Variants in MMADHC observed in about 807,000 individuals in gnomAD.
MMADHC encodes the protein cobalamin trafficking protein CblD.
In MMADHC, 23 loss-of-function variants were observed where a neutral mutation model predicts 36.3. The ratio of observed to expected loss-of-function variants is 0.63; its 90% CI spans 0.46 to 0.90. The LOEUF is 0.90. Among genes scored for constraint, MMADHC ranks in the 40% least tolerant of loss-of-function variants. The pLI is 0.00. For synonymous variants in MMADHC, 97 were observed against 116.1 expected, an observed-to-expected ratio of 0.84 and a Z score of 1.06; for missense variants, 330 against 348.0, an observed-to-expected ratio of 0.95 and a Z score of 0.41.
intron 7 of MMADHC, among the ~76,000 whole-genome samples, chr2:149,570,596 A>AAGAT (rs1682624820): frequency 6.6e-6 from 1 of 152,202 alleles, no homozygotes; most frequent in Non-Finnish European, 1.5e-5. Context: ...TTGTTACAGA[A>AAGAT]AGATATATCC....
In MMADHC at chr2:149,579,445, C is replaced by T. The variant is rs756908515; in HGVS notation, c.358G>A (p.Val120Met). ...ERHEFVMAQY[V>M]NEFQGNDAPV... ...CAACAATTTACCTGAAATTCATTCA[C>T]ATATTGTGCCATCACAAACTCATGT... Residue 120 changes from valine to methionine, a missense_variant, in exon 4 of 8, where the codon GTG becomes ATG. Physicochemically the swap from Val to Met is conservative, Grantham distance 21. Coordinates refer to ENST00000303319, the MANE Select transcript of MMADHC (RefSeq NM_015702.3). 1.2e-6 allele frequency: 2 copies of T among 1,611,284 alleles called. No homozygotes were observed. The highest frequency in any genetic ancestry group is 1.7e-6 in the Non-Finnish European group (2 of 1,179,320).
chr2:149,574,243 G>C (rs1468067213), intron 6 of MMADHC, among the ~76,000 whole-genome samples: 2 of 152,196 alleles, frequency 1.3e-5, no homozygotes, highest in South Asian at 2.1e-4. Flanking sequence ...CAATGATAGT[G>C]ATGAGTATAT....
chr2:149,577,031 G>T (rs941311817), intron 4 of MMADHC, among the ~76,000 whole-genome samples: 2 of 152,124 alleles, frequency 1.3e-5, no homozygotes, highest in African/African-American at 2.4e-5. Flanking sequence ...CAGGCACTAT[G>T]ACAGGAGCAG....
In MMADHC at chr2:149,582,236, G is replaced by A; in HGVS notation, c.45C>T (p.Leu15=). The change falls in exon 3 of 8, where the codon CTC becomes CTT. Residue 15 remains leucine (L), a synonymous_variant. Transcript: ENST00000303319. The part of the protein sequence containing the change: ...LCNRARLVSY[L]PGFCSLVKRV... ...TTTTAACTAAAGAGCAAAATCCTGG[G>A]AGATAGGAAACCAGTCTGGCTCTGT... The A allele has an allele frequency of 6.2e-7, 1 of 1,613,800 alleles. No individual in the cohort carries two copies. The highest frequency in any genetic ancestry group is 8.5e-7 in the Non-Finnish European group (1 of 1,179,850).
intron 5 of MMADHC, 73 bp from the exon 6 acceptor site, chr2:149,575,914 A>G: frequency 2.5e-6 from 3 of 1,179,262 alleles, no homozygotes; most frequent in African/African-American, 1.5e-5. Context: ...AAGAAGGATA[A>G]AAGTACTTCT....
intron 2 of MMADHC, among the ~76,000 whole-genome samples, chr2:149,583,777 C>T (rs1000175487): frequency 1.3e-5 from 2 of 151,992 alleles, no homozygotes; most frequent in Non-Finnish European, 2.9e-5. Flanking sequence ...GGTCTTTTTG[C>T]CTTTCTGACA....
At chr2:149,587,451 G>A in intron 1 of MMADHC, 1 of 380,116 alleles carries the variant, frequency 2.6e-6, no homozygotes, top group South Asian at 3.2e-5. Flanking sequence ...CGAAGCGGCT[G>A]CTTTAACAGA....
At chr2:149,587,438 G>C in intron 1 of MMADHC, 1 of 409,314 alleles carries the variant, frequency 2.4e-6, no homozygotes, top group Non-Finnish European at 4.5e-6. Context: ...CAGTCCAGAG[G>C]ATCGAAGCGG....
At chr2:149,575,407 G>T (rs144773111) in intron 6 of MMADHC, among the ~76,000 whole-genome samples, 4 of 151,910 alleles carry the variant, frequency 2.6e-5, no homozygotes, top group African/African-American at 9.7e-5. Context: ...TGGAGAAGGA[G>T]AGGGAGGGGG....
chr2:149,587,531 G>C (rs1437238702), intron 1 of MMADHC, 133 bp downstream of exon 1: 1 of 235,150 alleles, frequency 4.3e-6, no homozygotes, highest in East Asian at 1.0e-4. Context: ...AAGCAGAAAA[G>C]AGACTAAAGA....
At chr2:149,577,668 A>C (rs561178803) in intron 4 of MMADHC, among the ~76,000 whole-genome samples, 68 of 152,136 alleles carry the variant, frequency 4.5e-4, no homozygotes, top group African/African-American at 1.6e-3. Flanking sequence ...AAAAAAAAAG[A>C]AAGAAAAAAA....
intron 2 of MMADHC, 90 bp downstream of exon 2, chr2:149,586,998 AC>A (rs1573882602): frequency 7.8e-7 from 1 of 1,275,198 alleles, no homozygotes; most frequent in East Asian, 2.3e-5. Flanking sequence ...ACACTATACC[AC>A]CCAATGCCAT....
At chr2:149,576,693 C>T in intron 4 of MMADHC, 151 bp from the exon 5 acceptor site, 2 of 641,738 alleles carry the variant, frequency 3.1e-6, no homozygotes, top group South Asian at 3.6e-5. Context: ...AACATTTTCT[C>T]ATTTACTCAA....
At chr2:149,581,426 T>C (rs1682791787) in intron 3 of MMADHC, among the ~76,000 whole-genome samples, 1 of 152,150 alleles carries the variant, frequency 6.6e-6, no homozygotes, top group Non-Finnish European at 1.5e-5. Context: ...ATGTGTGCCA[T>C]GAAAAAAGGA....
Position 149,571,084 on chromosome 2 carries a change from C to A in MMADHC, c.696+1G>T. ...CTGATTTTCAAATGATAATTACTCA[C>A]TGCCAAACCAGATGATGGGTCAATA... On this transcript the variant is annotated splice_donor_variant, in intron 7 of 7. Coordinates refer to ENST00000303319, the MANE Select transcript of MMADHC (RefSeq NM_015702.3). LOFTEE classifies it high-confidence loss of function. 6.2e-7 allele frequency: 1 copy of A among 1,603,816 alleles called. No homozygotes were observed. The highest frequency in any genetic ancestry group is 1.1e-5 in the South Asian group (1 of 90,818).
At chr2:149,587,538 AAGAC>A (rs1336837100) in intron 1 of MMADHC, 122 bp downstream of exon 1, 9 of 226,766 alleles carry the variant, frequency 4.0e-5, no homozygotes, top group Non-Finnish European at 8.0e-5. Context: ...AAAGAGACTA[AAGAC>A]AGACGGACAG....
At chr2:149,582,636 C>T (rs1682811757) in intron 2 of MMADHC, among the ~76,000 whole-genome samples, 1 of 152,124 alleles carries the variant, frequency 6.6e-6, no homozygotes. Flanking sequence ...ACTCTCAAGA[C>T]ATCTCTTTGG....
chr2:149,570,217 G>C, intron 7 of MMADHC, 49 bp from the exon 8 acceptor site: 2 of 1,476,480 alleles, frequency 1.4e-6, no homozygotes, highest in Non-Finnish European at 1.9e-6. Context: ...AGACATTTTA[G>C]TAATAATTTT....
intron 3 of MMADHC, 24 bp from the exon 4 acceptor site, chr2:149,579,672 C>G (rs1276934529): frequency 1.9e-6 from 3 of 1,584,514 alleles, no homozygotes; most frequent in Non-Finnish European, 2.6e-6. Context: ...ACAAAAGGAA[C>G]AGTTTCTCCT....
Sources: allele counts gnomAD v4.1 joint callset (sites outside exome capture counted in the v4.1 genomes callset), GRCh38; gene constraint gnomAD v4.1.1; transcripts MANE v1.5; gene names NCBI Gene and HGNC (gene_info 2026-07-23, HGNC 2026-07-21).